NSD1: variants seen among roughly 807,000 people sequenced by gnomAD.
NSD1 encodes the protein histone-lysine N-methyltransferase, H3 lysine-36 specific.
In NSD1, 26 loss-of-function variants were observed where a neutral mutation model predicts 242.7. The observed-to-expected ratio is 0.11, with a 90% CI of 0.08 to 0.15. NSD1 has a LOEUF of 0.15. NSD1 is among the 10% of genes least tolerant of loss of function. The probability of loss-of-function intolerance (pLI) is 1.00; values close to 1 mark genes in which losing one functional copy is unlikely to be tolerated. For synonymous variants in NSD1, 1,106 were observed against 1,178.1 expected (o/e 0.94, Z 1.25); for missense variants, 2,495 against 3,272.8 (o/e 0.76, Z 5.80).
Position 177,269,819 on chromosome 5 carries a change from CTT to C in NSD1, c.5509+16_5509+17del. The C allele has an allele frequency of 6.2e-7, 1 of 1,604,152 alleles. No individual in the cohort carries two copies. Among genetic ancestry groups the C allele is most frequent in the Non-Finnish European group, 8.5e-7 (1 of 1,173,430 alleles). On this transcript the variant is annotated intron_variant, in intron 16 of 22. Transcript: ENST00000439151. This position sits in a 1 kb window ranked among gnomAD's most constrained non-coding sequence, Gnocchi z 5.1. Reference sequence around the variant, plus strand: ...GACATATAAAAAAGGTAACTTTATCCTTTTTGTTTCTCAGGCAAACACAGACC... The same window carrying C: ...GACATATAAAAAAGGTAACTTTATCCTTTGTTTCTCAGGCAAACACAGACC...
intron 2 of NSD1, among the ~76,000 whole-genome samples, chr5:177,158,998 T>TTATATATATATATATGAATGATA (rs1554173192): frequency 2.9e-4 from 36 of 122,596 alleles, no homozygotes; most frequent in African/African-American, 1.2e-3. Context: ...ATGAATGATT[T>TTATATATATATATATGAATGATA]TATATATATA....
At chr5:177,168,685 T>A (rs1409561895) in intron 2 of NSD1, among the ~76,000 whole-genome samples, 1 of 152,128 alleles carries the variant, frequency 6.6e-6, no homozygotes, top group Non-Finnish European at 1.5e-5. Context: ...GGTCTCGAAC[T>A]CCTGATCTCA....
chr5:177,267,621 A>G lies in NSD1; in HGVS notation c.5206A>G (p.Ile1736Val). The change falls in exon 15 of 23, where the codon ATT becomes GTT. Residue 1736 changes from isoleucine (I) to valine (V), a missense_variant. Physicochemically the swap from Ile to Val is conservative, Grantham distance 29. Transcript: ENST00000439151. ...TGCTTTTCATCGTGAATGCCTGAAC[A>G]TTGATATCCCTGAAGGAAACTGGTA... ...PAAFHRECLN[I>V]DIPEGNWYCN... is the part of the protein sequence containing the mutation. The G allele has an allele frequency of 6.2e-7, 1 of 1,614,092 alleles. No individual in the cohort carries two copies. Among genetic ancestry groups the G allele is most frequent in the South Asian group, 1.1e-5 (1 of 91,078 alleles).
rs540771804 is a variant in NSD1 at position 177,250,040 on chromosome 5, C to T, written c.4642-1690C>T. Reference sequence around the variant, plus strand: ...GGTAGAGGCTTTAGTGAGCCATGGTCATGCCACTGCACTCCCACCTGGGTG... The same window carrying T: ...GGTAGAGGCTTTAGTGAGCCATGGTTATGCCACTGCACTCCCACCTGGGTG... On this transcript the variant is annotated intron_variant, in intron 11 of 22. Coordinates refer to ENST00000439151, the MANE Select transcript of NSD1 (RefSeq NM_022455.5). Among the ~76,000 whole-genome samples the T allele has an allele frequency of 1.0e-3, 156 of 152,302 alleles. 1 individual carries two copies. Among genetic ancestry groups the T allele is most frequent in the African/African-American group, 3.7e-3 (154 of 41,578 alleles).
In NSD1 at chr5:177,265,774, G is replaced by A. The variant is rs1757382380; in HGVS notation, c.5147-1788G>A. On this transcript the variant is annotated intron_variant, in intron 14 of 22. Coordinates refer to ENST00000439151, the MANE Select transcript of NSD1 (RefSeq NM_022455.5). ...AGTGCGTGTACAGGGACTCGGGTAT[G>A]GTGGAGAAGCCGGTCCCTCCGGTCC... 2.7e-6 allele frequency: 4 copies of A among 1,477,316 alleles called. No homozygotes were observed. The South Asian group carries it at 4.5e-5, about 17-fold the overall frequency. 91.5% of individuals were successfully genotyped at this position (1,477,316 alleles called of 1,614,324 possible).
chr5:177,245,374 CTTTCTA>C (rs1476714955), intron 9 of NSD1, among the ~76,000 whole-genome samples: 4 of 152,092 alleles, frequency 2.6e-5, no homozygotes, highest in Non-Finnish European at 2.9e-5. Flanking sequence ...AATTTCAAAT[CTTTCTA>C]TTGTGCTCAT....
At chr5:177,279,609 AATTTT>A (rs1758682849) in intron 17 of NSD1, among the ~76,000 whole-genome samples, 2 of 107,790 alleles carry the variant, frequency 1.9e-5, no homozygotes, top group African/African-American at 7.7e-5. Flanking sequence ...CAGCTTTGAA[AATTTT>A]TTTTTTTTTT....
intron 8 of NSD1, among the ~76,000 whole-genome samples, chr5:177,240,581 C>G (rs1351048993): frequency 6.6e-6 from 1 of 152,018 alleles, no homozygotes; most frequent in East Asian, 1.9e-4. Context: ...GGCGTGGTGG[C>G]AGGCGCCTGT....
chr5:177,257,194 G>A lies in NSD1; in HGVS notation c.4966+43G>A, dbSNP rs184344717. The A allele has an allele frequency of 5.9e-5, 70 of 1,184,358 alleles. No individual in the cohort carries two copies. In the African/African-American group the frequency reaches 7.8e-4, roughly 13 times the overall value. 73.4% of individuals were successfully genotyped at this position (1,184,358 alleles called of 1,614,324 possible). A position where few individuals can be genotyped will look rare whatever the true frequency, so the allele number is the denominator to read the frequency against. On this transcript the variant is annotated intron_variant, in intron 13 of 22. Coordinates refer to ENST00000439151, the MANE Select transcript of NSD1 (RefSeq NM_022455.5). ...GGACCAGTCTAATTGTAAAACCTCA[G>A]TTTAATTGGCAACAGATATTTTCTT... is the stretch of plus-strand genomic sequence containing the variant.
At chr5:177,250,368 G>C (rs1035553097) in intron 11 of NSD1, among the ~76,000 whole-genome samples, 1 of 152,232 alleles carries the variant, frequency 6.6e-6, no homozygotes, top group African/African-American at 2.4e-5. Context: ...GTCTGGATCA[G>C]TCTTTGTGTA....
intron 4 of NSD1, among the ~76,000 whole-genome samples, chr5:177,209,022 G>C (rs545409676): frequency 6.6e-6 from 1 of 152,074 alleles, no homozygotes; most frequent in South Asian, 2.1e-4. Flanking sequence ...GAAATGTAAT[G>C]TTACCAGTTT....
Position 177,295,351 on chromosome 5 carries a change from T to G in NSD1, c.7983T>G (p.Thr2661=). The G allele has an allele frequency of 6.2e-7, 1 of 1,614,212 alleles. No homozygotes were observed. Among genetic ancestry groups the G allele is most frequent in the East Asian group, 2.2e-5 (1 of 44,888 alleles). The change falls in exon 23 of 23, where the codon ACT becomes ACG. Residue 2661 remains threonine, a synonymous_variant. Transcript: ENST00000439151. This position sits in a 1 kb window ranked among gnomAD's most constrained non-coding sequence, Gnocchi z 4.3. ...GGAGCACACAGACATTGGCACAGAC[T>G]TGCTGGTCTCTTGGAAGAGGGCAAG... The part of the protein sequence containing the change: ...SAGSTQTLAQ[T]CWSLGRGQDP...
intron 2 of NSD1, among the ~76,000 whole-genome samples, chr5:177,159,909 A>T (rs1225497890): frequency 2.1e-4 from 31 of 148,332 alleles, no homozygotes; most frequent in Non-Finnish European, 1.5e-4. Context: ...TTTTTTTTTT[A>T]AATGGAGTCT....
chr5:177,182,819 G>C (rs974542361), intron 2 of NSD1, among the ~76,000 whole-genome samples: 1 of 152,030 alleles, frequency 6.6e-6, no homozygotes, highest in South Asian at 2.1e-4. Flanking sequence ...TGTATTTTTA[G>C]TAGAGACAGG....
At position 177,294,806 on chromosome 5, in the gene NSD1, G is replaced by C; in HGVS notation, c.7438G>C (p.Asp2480His). Residue 2480 changes from aspartate to histidine, a missense_variant, in exon 23 of 23, where the codon GAT (aspartate) becomes CAT (histidine). Physicochemically the swap from Asp to His is moderately conservative, Grantham distance 81 (BLOSUM62 -1). Transcript: ENST00000439151. Reference sequence around the variant, plus strand: ...ACCTCATCAGGTCACACCACAGGCTGATGAGAAGATGCCAGTGTTGGAGTC... The same window carrying C: ...ACCTCATCAGGTCACACCACAGGCTCATGAGAAGATGCCAGTGTTGGAGTC... ...ASPHQVTPQA[D>H]EKMPVLESSS... 1 of 1,613,062 alleles carries C rather than the reference G, an allele frequency of 6.2e-7. No individual in the cohort carries two copies. The highest frequency in any genetic ancestry group is 8.5e-7 in the Non-Finnish European group (1 of 1,180,050).
chr5:177,185,922 A>ATATATATAAATATATATATT (rs1761141510), intron 2 of NSD1, among the ~76,000 whole-genome samples: 1 of 88,170 alleles, frequency 1.1e-5, no homozygotes, highest in African/African-American at 4.8e-5. Context: ...ATATATATTT[A>ATATATATAAATATATATATT]TATATATAAA....
chr5:177,210,139 A>G lies in NSD1; in HGVS notation c.1740A>G (p.Lys580=). ...CCTGTGGAAAAAACACTGCAAAGAAAGAATTTGAGACTTCAAATGGTGACT... is the reference window on the plus strand; with the variant it reads ...CCTGTGGAAAAAACACTGCAAAGAAGGAATTTGAGACTTCAAATGGTGACT... ...FSSCGKNTAK[K]EFETSNGDSL... Residue 580 remains lysine, a synonymous_variant, in exon 5 of 23, where the codon AAA becomes AAG. Transcript: ENST00000439151. The G allele has an allele frequency of 1.9e-6, 3 of 1,613,496 alleles. No homozygotes were observed. Among genetic ancestry groups the G allele is most frequent in the Middle Eastern group, 1.6e-4 (1 of 6,062 alleles).
chr5:177,136,057 T>C, intron 2 of NSD1, 27 bp downstream of exon 2: 1 of 1,560,196 alleles, frequency 6.4e-7, no homozygotes, highest in South Asian at 1.1e-5. Flanking sequence ...ACAACTTAAA[T>C]ATATACATAT....
intron 2 of NSD1, among the ~76,000 whole-genome samples, chr5:177,146,963 C>T (rs1223561296): frequency 1.3e-5 from 2 of 150,818 alleles, no homozygotes; most frequent in Non-Finnish European, 2.9e-5. Flanking sequence ...GCTGAGATCG[C>T]GCCGCTGCAC....
Sources: allele counts gnomAD v4.1 joint callset (sites outside exome capture counted in the v4.1 genomes callset), GRCh38; gene constraint gnomAD v4.1.1; non-coding constraint Gnocchi (gnomAD v3.1); transcripts MANE v1.5; gene names NCBI Gene and HGNC (gene_info 2026-07-23, HGNC 2026-07-21).